Variants in TTLL1 observed in about 807,000 individuals in gnomAD.
TTLL1 encodes the protein TTL family tubulin polyglutamylase complex subunit L1.
In TTLL1, 33 loss-of-function variants were observed where a neutral mutation model predicts 47.8. The ratio of observed to expected loss-of-function variants is 0.69; its 90% CI spans 0.52 to 0.92. The LOEUF (loss-of-function observed/expected upper bound fraction) is 0.92, where lower values mean the gene tolerates loss of function less well. Among genes scored for constraint, TTLL1 ranks in the 40% least tolerant of loss-of-function variants. The probability of loss-of-function intolerance (pLI) is 0.00; values close to 1 mark genes in which losing one functional copy is unlikely to be tolerated. For synonymous variants in TTLL1, 225 were observed against 214.1 expected (o/e 1.05, Z -0.45); for missense variants, 488 against 547.5 (o/e 0.89, Z 1.08).
chr22:43,039,669 T>C lies in TTLL1; in HGVS notation c.*107A>G. 12 of 1,388,554 alleles carry C rather than the reference T, an allele frequency of 8.6e-6. No homozygotes were observed. Among genetic ancestry groups the C allele is most frequent in the Non-Finnish European group, 1.1e-5 (12 of 1,053,580 alleles). The allele number at this position is 1,388,554 out of a possible 1,614,324, so 86.0% of individuals were successfully genotyped here. A position where few individuals can be genotyped will look rare whatever the true frequency, so the allele number is the denominator to read the frequency against. On this transcript the variant is annotated 3_prime_UTR_variant, in exon 11 of 11. Transcript: ENST00000266254. ...TTCCAAAGAAGTGCCTTCGTTTATT[T>C]ACAGGGCTTAGGAAAGGAAAAAAGC...
intron 1 of TTLL1, among the ~76,000 whole-genome samples, chr22:43,087,301 G>T (rs771199439): frequency 6.6e-6 from 1 of 152,174 alleles, no homozygotes; most frequent in Non-Finnish European, 1.5e-5. Flanking sequence ...AAGACAGGTG[G>T]ATCACCTGAG....
chr22:43,084,064 T>C (rs1929068526), intron 1 of TTLL1, among the ~76,000 whole-genome samples: 1 of 152,210 alleles, frequency 6.6e-6, no homozygotes. Context: ...TATCATGGCA[T>C]TAAAATAAAC....
At chr22:43,074,174 C>G (rs1928323000) in intron 3 of TTLL1, among the ~76,000 whole-genome samples, 1 of 151,852 alleles carries the variant, frequency 6.6e-6, no homozygotes, top group Non-Finnish European at 1.5e-5. Flanking sequence ...CGCCTGTAAT[C>G]CTAGCACTTT....
intron 8 of TTLL1, among the ~76,000 whole-genome samples, chr22:43,054,395 A>C: frequency 6.6e-6 from 1 of 152,154 alleles, no homozygotes; most frequent in East Asian, 1.9e-4. Context: ...AAAGTGCAGA[A>C]AGTCAAGGCA....
chr22:43,049,871 A>G (rs1222856907), intron 9 of TTLL1, among the ~76,000 whole-genome samples: 2 of 151,552 alleles, frequency 1.3e-5, no homozygotes, highest in Non-Finnish European at 2.9e-5. Context: ...AGGCAGGCAA[A>G]TTGCCTGAGC....
At chr22:43,073,364 T>TTTTATTTA (rs140193788) in intron 3 of TTLL1, among the ~76,000 whole-genome samples, 9 of 133,354 alleles carry the variant, frequency 6.7e-5, no homozygotes, top group Non-Finnish European at 1.2e-4. Flanking sequence ...TATTTATTTA[T>TTTTATTTA]TTTATTTTTT....
rs546510977 is a variant in TTLL1, at chr22:43,076,737, C to T, written c.-4-1147G>A. Among the ~76,000 whole-genome samples, 28 of 150,108 alleles carry T rather than the reference C, an allele frequency of 1.9e-4. No individual in the cohort carries two copies. In the East Asian group the frequency reaches 4.6e-3, roughly 25 times the overall value. On this transcript the variant is annotated intron_variant, in intron 2 of 10. Coordinates refer to ENST00000266254, the MANE Select transcript of TTLL1 (RefSeq NM_012263.5). ...CTGCACCCCAGCTTGGGCGATAGAG[C>T]GAGACTCCATCTCAAAATAATAATA...
intron 3 of TTLL1, among the ~76,000 whole-genome samples, chr22:43,073,238 C>T (rs1490297796): frequency 6.6e-6 from 1 of 152,040 alleles, no homozygotes; most frequent in Non-Finnish European, 1.5e-5. Context: ...GTTGGCCAGG[C>T]TGGTCTCAAA....
chr22:43,087,576 G>A lies in TTLL1; in HGVS notation c.-90+1701C>T, dbSNP rs5996271. On this transcript the variant is annotated intron_variant, in intron 1 of 10. Transcript: ENST00000266254. ...TTCTTAGCAGGGCACGGTGGCTCAC[G>A]CCTGTAATCCCAACACTTTGGGAGG... Among the ~76,000 whole-genome samples the A allele has an allele frequency of 7.4e-3, 1,108 of 150,746 alleles. 13 individuals are homozygous for A. The highest frequency in any genetic ancestry group is 0.023 in the African/African-American group (962 of 40,968).
intron 8 of TTLL1, among the ~76,000 whole-genome samples, chr22:43,055,925 G>A (rs1285305445): frequency 6.7e-6 from 1 of 149,082 alleles, no homozygotes; most frequent in African/African-American, 2.5e-5. Flanking sequence ...TTCCCTTTTT[G>A]TGGAGAAGGA....
chr22:43,080,860 G>A (rs1928829400), intron 1 of TTLL1, among the ~76,000 whole-genome samples: 2 of 148,326 alleles, frequency 1.3e-5, no homozygotes, highest in South Asian at 4.2e-4. Context: ...TATAAACACA[G>A]GAGGGTGGGA....
In TTLL1 at chr22:43,046,438, T is replaced by C. The variant is rs1416362694; in HGVS notation, c.1114A>G (p.Lys372Glu). 2 of 1,613,836 alleles carry C rather than the reference T, an allele frequency of 1.2e-6. No individual in the cohort carries two copies. Among genetic ancestry groups the C allele is most frequent in the South Asian group, 1.1e-5 (1 of 91,082 alleles). Residue 372 changes from lysine to glutamate, a missense_variant, in exon 10 of 11, where the codon AAG becomes GAG. By Grantham distance (56) the Lys-to-Glu change is moderately conservative (BLOSUM62 1). Coordinates refer to ENST00000266254, the MANE Select transcript of TTLL1 (RefSeq NM_012263.5). ...ATCTCGTAATTGCCGAGGACTTCCT[T>C]AGGTGGCGACTTGTTCCATTTGCAG... ...PDCKWNKSPP[K>E]EVLGNYEILY...
intron 9 of TTLL1, among the ~76,000 whole-genome samples, chr22:43,051,334 G>C (rs1926605134): frequency 1.3e-5 from 2 of 152,262 alleles, no homozygotes; most frequent in Non-Finnish European, 2.9e-5. Flanking sequence ...CACTGAAAGA[G>C]GCAGAGGAAT....
chr22:43,065,079 A>G (rs1290361144), intron 5 of TTLL1, among the ~76,000 whole-genome samples: 1 of 151,788 alleles, frequency 6.6e-6, no homozygotes, highest in Non-Finnish European at 1.5e-5. Context: ...CGGGAGGCAG[A>G]GTTTGCAGTG....
chr22:43,075,556 T>C lies in TTLL1; in HGVS notation c.31A>G (p.Ile11Val), dbSNP rs1454033044. Reference protein sequence around the residue: MAGKVKWVTDIEKSVLINNFE... With the variant: MAGKVKWVTDVEKSVLINNFE... ...TTATTGATCAGCACTGACTTCTCGA[T>C]ATCAGTGACCCATTTTACTTTCCCT... Residue 11 changes from isoleucine (I) to valine (V), a missense_variant, in exon 3 of 11, where the codon ATC (isoleucine) becomes GTC (valine). Ile to Val is a conservative substitution (Grantham distance 29, BLOSUM62 3). Transcript: ENST00000266254. 3 of 1,614,226 alleles carry C rather than the reference T, an allele frequency of 1.9e-6. No individual in the cohort carries two copies. Among genetic ancestry groups the C allele is most frequent in the East Asian group, 2.2e-5 (1 of 44,878 alleles).
At chr22:43,071,601 G>C (rs1928127800) in intron 3 of TTLL1, among the ~76,000 whole-genome samples, 2 of 152,094 alleles carry the variant, frequency 1.3e-5, no homozygotes, top group Admixed American at 1.3e-4. Flanking sequence ...GTAGAGACGG[G>C]GTTTTGCCAC....
chr22:43,071,491 C>T (rs758546343), intron 3 of TTLL1, among the ~76,000 whole-genome samples: 53 of 152,086 alleles, frequency 3.5e-4, no homozygotes, highest in Non-Finnish European at 6.9e-4. Flanking sequence ...CTCACTGCAA[C>T]CTCTGCCTCG....
rs747320352 is a variant in TTLL1 at position 43,064,280 on chromosome 22, TAG to T, written c.546_547del (p.Ile184Ter). 7 of 1,613,882 alleles carry T rather than the reference TAG, an allele frequency of 4.3e-6. No individual in the cohort carries two copies. The highest frequency in any genetic ancestry group is 5.1e-6 in the Non-Finnish European group (6 of 1,180,006). On this transcript the variant is annotated frameshift_variant, in exon 6 of 11. Coordinates refer to ENST00000266254, the MANE Select transcript of TTLL1 (RefSeq NM_012263.5). LOFTEE classifies it high-confidence loss of function. ...GCCAATTAGTAACGGGTTGTTAATA[TAG>T]AGAGAGATCACGTAGGCTTCCTTAT...
intron 9 of TTLL1, among the ~76,000 whole-genome samples, chr22:43,051,506 G>A (rs1926618328): frequency 6.6e-6 from 1 of 151,802 alleles, no homozygotes; most frequent in Non-Finnish European, 1.5e-5. Context: ...GGGGGACAGG[G>A]TGCAGGACTG....
Sources: allele counts gnomAD v4.1 joint callset (sites outside exome capture counted in the v4.1 genomes callset), GRCh38; gene constraint gnomAD v4.1.1; transcripts MANE v1.5; gene names NCBI Gene and HGNC (gene_info 2026-07-23, HGNC 2026-07-21).